The following IL4R variants were observed in gnomAD, a reference collection of about 807,000 sequenced individuals.
The protein encoded by IL4R is interleukin-4 receptor subunit alpha.
In IL4R, 17 loss-of-function variants were observed where a neutral mutation model predicts 41.5. The observed-to-expected ratio is 0.41, with a 90% confidence interval of 0.28 to 0.61. The LOEUF is 0.61. Ranked by LOEUF, IL4R falls within the 20% of genes least tolerant of loss-of-function variation. The pLI, the probability that IL4R is intolerant of heterozygous loss-of-function variation, is 0.31. For synonymous variants in IL4R, 402 were observed against 422.9 expected (o/e 0.95, Z 0.61); for missense variants, 974 against 1,043.1 (o/e 0.93, Z 0.91).
At chr16:27,330,422 TCA>T (rs2085081931) in intron 2 of IL4R, among the ~76,000 whole-genome samples, 1 of 149,592 alleles carries the variant, frequency 6.7e-6, no homozygotes, top group Admixed American at 6.6e-5. Flanking sequence ...GAAAAAGAAA[TCA>T]CAGAGAGACC....
intron 1 of IL4R, among the ~76,000 whole-genome samples, chr16:27,326,651 C>A (rs1047186742): frequency 1.1e-4 from 17 of 152,106 alleles, no homozygotes; most frequent in Admixed American, 5.9e-4. Context: ...CAGAATGAGA[C>A]CCTGTCTCTA....
chr16:27,342,254 C>T lies in IL4R; in HGVS notation c.204C>T (p.Leu68=). ...TGTTGTACCAGCTGGTTTTTCTGCT[C>T]TCCGAGTAAGCCTGCGCTGGAGCTG... is the stretch of plus-strand genomic sequence containing the variant. ...LRLLYQLVFL[L]SEAHTCIPEN... The change falls in exon 4 of 11, where the codon CTC becomes CTT. Residue 68 remains leucine (L), a synonymous_variant. Coordinates refer to ENST00000395762, the MANE Select transcript of IL4R (RefSeq NM_000418.4). The T allele has an allele frequency of 6.2e-7, 1 of 1,614,234 alleles. No individual in the cohort carries two copies. The highest frequency in any genetic ancestry group is 8.5e-7 in the Non-Finnish European group (1 of 1,180,026).
chr16:27,316,624 A>G (rs538302385), intron 1 of IL4R, among the ~76,000 whole-genome samples: 3 of 152,318 alleles, frequency 2.0e-5, no homozygotes, highest in Admixed American at 1.3e-4. Context: ...TACTTCACAC[A>G]ATGTCCAACA....
rs1440986518 is a variant in IL4R, at chr16:27,340,292, A to G, written c.70+19A>G. Reference sequence around the variant, plus strand: ...AGCTCTGGTAAGTCACCACTTCTCAATCATTCATTTGTTGGCTATTAATGG... The same window carrying G: ...AGCTCTGGTAAGTCACCACTTCTCAGTCATTCATTTGTTGGCTATTAATGG... On this transcript the variant is annotated intron_variant, in intron 3 of 10. Transcript: ENST00000395762. 1 of 1,601,558 alleles carries G rather than the reference A, an allele frequency of 6.2e-7. No homozygotes were observed. The highest frequency in any genetic ancestry group is 8.6e-7 in the Non-Finnish European group (1 of 1,168,788).
At chr16:27,337,575 C>CT (rs533237354) in intron 2 of IL4R, among the ~76,000 whole-genome samples, 1,609 of 142,228 alleles carry the variant, frequency 0.011, 26 homozygotes, top group African/African-American at 0.031. Flanking sequence ...TTTTCTTTTT[C>CT]TTTTTTTTTT....
chr16:27,358,133 A>C (rs1215001500), intron 8 of IL4R, among the ~76,000 whole-genome samples: 1 of 152,186 alleles, frequency 6.6e-6, no homozygotes, highest in Non-Finnish European at 1.5e-5. Context: ...ACCTCAGGTG[A>C]TACACCTGCC....
chr16:27,343,819 A>G (rs756378684), intron 4 of IL4R, among the ~76,000 whole-genome samples: 1 of 152,170 alleles, frequency 6.6e-6, no homozygotes, highest in Non-Finnish European at 1.5e-5. Flanking sequence ...ATGTGTACAC[A>G]TGGGCATTAT....
chr16:27,315,392 G>C (rs961803325), intron 1 of IL4R: 2 of 152,320 alleles, frequency 1.3e-5, no homozygotes. Context: ...GCCCTGGGTG[G>C]TGTTCTGGGC....
Position 27,355,864 on chromosome 16 carries a change from G to A in IL4R, c.727G>A (p.Val243Ile), listed in dbSNP as rs2086055126. Residue 243 changes from valine to isoleucine, a missense_variant, in exon 8 of 11, where the codon GTC becomes ATC. Val to Ile is a conservative substitution (Grantham distance 29, BLOSUM62 3). Coordinates refer to ENST00000395762, the MANE Select transcript of IL4R (RefSeq NM_000418.4). ...GCTGGGCGTCAGCGTTTCCTGCATT[G>A]TCATCCTGGCCGTCTGCCTGTTGTG... ...LLLGVSVSCI[V>I]ILAVCLLCYV... 1 of 1,613,634 alleles carries A rather than the reference G, an allele frequency of 6.2e-7. No individual in the cohort carries two copies. The highest frequency in any genetic ancestry group is 8.5e-7 in the Non-Finnish European group (1 of 1,179,948).
At chr16:27,348,471 G>T (rs2085742643) in intron 6 of IL4R, among the ~76,000 whole-genome samples, 2 of 152,216 alleles carry the variant, frequency 1.3e-5, no homozygotes, top group African/African-American at 4.8e-5. Flanking sequence ...GCTGGATCCA[G>T]CTTCTAGGAA....
At chr16:27,346,445 A>G (rs757791058) in intron 5 of IL4R, 22 bp from the exon 6 acceptor site, 17 of 1,613,772 alleles carry the variant, frequency 1.1e-5, no homozygotes, top group Non-Finnish European at 1.4e-5. Flanking sequence ...AGATCCTCAC[A>G]TAGAGGCCGC....
intron 1 of IL4R, among the ~76,000 whole-genome samples, chr16:27,327,348 G>C (rs1489934280): frequency 6.6e-6 from 1 of 152,140 alleles, no homozygotes; most frequent in Non-Finnish European, 1.5e-5. Context: ...GGTTCGGGAA[G>C]AGTCCTGCTG....
At chr16:27,362,103 T>C (rs1385316037) in intron 10 of IL4R, 149 bp from the exon 11 acceptor site, 9 of 804,978 alleles carry the variant, frequency 1.1e-5, no homozygotes, top group Middle Eastern at 2.4e-4. Context: ...TCTAGCAACA[T>C]AGACTGATCA....
At chr16:27,315,719 T>C (rs1416172249) in intron 1 of IL4R, among the ~76,000 whole-genome samples, 1 of 152,148 alleles carries the variant, frequency 6.6e-6, no homozygotes, top group East Asian at 1.9e-4. Flanking sequence ...CTGGGCTGCA[T>C]TGTGGAAAGC....
intron 1 of IL4R, among the ~76,000 whole-genome samples, chr16:27,323,426 T>C (rs1350465246): frequency 3.3e-5 from 5 of 152,088 alleles, no homozygotes; most frequent in African/African-American, 9.7e-5. Context: ...GAGTGGTGTA[T>C]AAAAAAGCAA....
intron 1 of IL4R, among the ~76,000 whole-genome samples, chr16:27,322,639 A>G (rs2084847035): frequency 6.6e-6 from 1 of 152,106 alleles, no homozygotes; most frequent in Admixed American, 6.5e-5. Flanking sequence ...GAGACCAGGA[A>G]TTCAAGGCCG....
At chr16:27,343,964 G>T (rs3024554) in intron 4 of IL4R, among the ~76,000 whole-genome samples, 18,351 of 152,052 alleles carry the variant, frequency 0.12, 1,242 homozygotes, top group Middle Eastern at 0.17. Flanking sequence ...TTCACCACTA[G>T]GCAGCATATC....
rs2086328490 is a variant in IL4R at position 27,362,421 on chromosome 16, A to G, written c.1069A>G (p.Ser357Gly). Residue 357 changes from serine (S) to glycine (G), a missense_variant, in exon 11 of 11, where the codon AGC becomes GGC. Ser to Gly is a moderately conservative substitution (Grantham distance 56). Transcript: ENST00000395762. ...GACAGTCCTCTGGCCAGAGAGCATC[A>G]GCGTGGTGCGATGTGTGGAGTTGTT... The part of the protein sequence containing the change: ...SKTVLWPESI[S>G]VVRCVELFEA... 8 of 1,614,160 alleles carry G rather than the reference A, an allele frequency of 5.0e-6. No homozygotes were observed. The highest frequency in any genetic ancestry group is 6.8e-6 in the Non-Finnish European group (8 of 1,180,026).
Position 27,359,124 on chromosome 16 carries a change from G to A in IL4R, c.849+130G>A, listed in dbSNP as rs2086194247. On this transcript the variant is annotated intron_variant, in intron 9 of 10. Transcript: ENST00000395762. ...ATAGACAGTCAGGAGGGTTGCAGGG[G>A]AGACAGAGACAGAAGCCGAATGAGG... is the stretch of plus-strand genomic sequence containing the variant. 14 of 708,620 alleles carry A rather than the reference G, an allele frequency of 2.0e-5. No homozygotes were observed. The South Asian group carries it at 2.0e-4, about 10-fold the overall frequency. The allele number at this position is 708,620 out of a possible 1,614,324, so 43.9% of individuals were successfully genotyped here. A position where few individuals can be genotyped will look rare whatever the true frequency, so the allele number is the denominator to read the frequency against.
Sources: allele counts gnomAD v4.1 joint callset (sites outside exome capture counted in the v4.1 genomes callset), GRCh38; gene constraint gnomAD v4.1.1; transcripts MANE v1.5; gene names NCBI Gene and HGNC (gene_info 2026-07-23, HGNC 2026-07-21).